The following MMP1 variants were observed in gnomAD, a reference collection of about 807,000 sequenced individuals.
MMP1 encodes matrix metallopeptidase 1.
In MMP1, 51 loss-of-function variants were observed where a neutral mutation model predicts 49.6. The ratio of observed to expected loss-of-function variants is 1.03; its 90% CI spans 0.82 to 1.30. MMP1 has a LOEUF of 1.30. Among genes scored for constraint, MMP1 ranks in the 50% most tolerant of loss-of-function variants. The pLI, the probability that MMP1 is intolerant of heterozygous loss-of-function variation, is 0.00. For synonymous variants in MMP1, 230 were observed against 196.8 expected (o/e 1.17, Z -1.41); for missense variants, 623 against 568.7 (o/e 1.10, Z -0.97).
Position 102,797,350 on chromosome 11 carries a change from C to T in MMP1, c.256G>A (p.Val86Met), listed in dbSNP as rs1464577227. 1.2e-6 allele frequency: 2 copies of T among 1,614,040 alleles called. No individual in the cohort carries two copies. The highest frequency in any genetic ancestry group is 1.7e-6 in the Non-Finnish European group (2 of 1,180,012). ...TGKPDAETLK[V>M]MKQPRCGVPD... ...ACTCCACATCTGGGCTGCTTCATCA[C>T]CTTCAGGGTTTCAGCATCTGGTTTC... The change falls in exon 2 of 10, where the codon GTG (valine) becomes ATG (methionine). Residue 86 changes from valine to methionine, a missense_variant. By Grantham distance (21) the Val-to-Met change is conservative. Transcript: ENST00000315274.
In MMP1 at chr11:102,790,712, T is replaced by G. The variant is rs746276822; in HGVS notation, c.1291A>C (p.Met431Leu). 2.5e-6 allele frequency: 4 copies of G among 1,607,704 alleles called. No individual in the cohort carries two copies. In the South Asian group the frequency reaches 3.3e-5, roughly 13 times the overall value. Reference sequence around the variant, plus strand: ...ATGTATATTCACTTACCATCTTTCATGAAAACTGCATCAACTTTGTGGCCA... The same window carrying G: ...ATGTATATTCACTTACCATCTTTCAGGAAAACTGCATCAACTTTGTGGCCA... ...GIGHKVDAVFMKDGFFYFFHG... is the reference protein window; with the variant it reads ...GIGHKVDAVFLKDGFFYFFHG... Residue 431 changes from methionine to leucine, a missense_variant, in exon 9 of 10, where the codon ATG (methionine) becomes CTG (leucine). Met to Leu is a conservative substitution (Grantham distance 15). Transcript: ENST00000315274.
chr11:102,797,142 T>C lies in MMP1; in HGVS notation c.371A>G (p.Asp124Gly). The change falls in exon 3 of 10, where the codon GAT becomes GGT. Residue 124 changes from aspartate (D) to glycine (G), a missense_variant. Physicochemically the swap from Asp to Gly is moderately conservative, Grantham distance 94. Coordinates refer to ENST00000315274, the MANE Select transcript of MMP1 (RefSeq NM_002421.4). Reference protein sequence around the residue: ...LTYRIENYTPDLPRADVDHAI... With the variant: ...LTYRIENYTPGLPRADVDHAI... ...ATGGTCCACATCTGCTCTTGGCAAA[T>C]CTGGCGTGTAATTTTCAATCCTTAG... The C allele has an allele frequency of 1.2e-6, 2 of 1,614,126 alleles. No homozygotes were observed.
intron 6 of MMP1, chr11:102,793,276 GC>G (rs1858085329): frequency 6.6e-6 from 1 of 151,960 alleles, no homozygotes. Context: ...AGGCCAACAC[GC>G]CCAGCTAATT....
intron 4 of MMP1, 46 bp downstream of exon 4, chr11:102,796,618 C>T: frequency 6.3e-7 from 1 of 1,587,894 alleles, no homozygotes; most frequent in Non-Finnish European, 8.6e-7. Flanking sequence ...TACAATGAAA[C>T]ATGAAGGGGT....
chr11:102,790,267 A>T lies in MMP1; in HGVS notation c.*145T>A, dbSNP rs1857986666. ...AGGGCTACATTCTAAATAGTAAAAAAATATGCAAACTGAGGTATAAATAAG... is the reference window on the plus strand; with the variant it reads ...AGGGCTACATTCTAAATAGTAAAAATATATGCAAACTGAGGTATAAATAAG... On this transcript the variant is annotated 3_prime_UTR_variant, in exon 10 of 10. Coordinates refer to ENST00000315274, the MANE Select transcript of MMP1 (RefSeq NM_002421.4). 1 of 528,716 alleles carries T rather than the reference A, an allele frequency of 1.9e-6. No homozygotes were observed. The highest frequency in any genetic ancestry group is 3.4e-6 in the Non-Finnish European group (1 of 298,242). The allele number at this position is 528,716 out of a possible 1,614,324, so 32.8% of individuals were successfully genotyped here.
chr11:102,797,292 C>T lies in MMP1; in HGVS notation c.314G>A (p.Gly105Glu). 1.2e-6 allele frequency: 2 copies of T among 1,614,180 alleles called. No individual in the cohort carries two copies. The highest frequency in any genetic ancestry group is 1.7e-6 in the Non-Finnish European group (2 of 1,180,038). Residue 105 changes from glycine (G) to glutamate (E), a missense_variant, in exon 2 of 10, where the codon GGG becomes GAG. Gly to Glu is a moderately conservative substitution (Grantham distance 98). Transcript: ENST00000315274. The part of the protein sequence containing the change: ...PDVAQFVLTE[G>E]NPRWEQTHLT... ...ATGTGTTTGCTCCCAGCGAGGGTTC[C>T]CCTCAGTGAGGACAAACTGAGCCAC...
intron 6 of MMP1, 137 bp from the exon 7 acceptor site, chr11:102,792,875 G>T: frequency 1.3e-6 from 1 of 783,926 alleles, no homozygotes; most frequent in Non-Finnish European, 2.0e-6. Context: ...CCAAAGAAGG[G>T]TTGGTTTATA....
In MMP1 at chr11:102,797,241, C is replaced by A. The variant is rs746470524; in HGVS notation, c.350+15G>T. Reference sequence around the variant, plus strand: ...TGGGAAATAGCTCTCTCACTCTGGCCCTCAGTCTGCCTACCTGTAGGTCAG... The same window carrying A: ...TGGGAAATAGCTCTCTCACTCTGGCACTCAGTCTGCCTACCTGTAGGTCAG... On this transcript the variant is annotated intron_variant, in intron 2 of 9. Coordinates refer to ENST00000315274, the MANE Select transcript of MMP1 (RefSeq NM_002421.4). The A allele has an allele frequency of 5.6e-6, 9 of 1,613,908 alleles. No individual in the cohort carries two copies. Among genetic ancestry groups the A allele is most frequent in the Non-Finnish European group, 7.6e-6 (9 of 1,179,936 alleles).
rs756183790 is a variant in MMP1 at position 102,790,691 on chromosome 11, A to G, written c.1300+12T>C. ...GCAATGAAATGGAGGAAATACATGT[A>G]TATTCACTTACCATCTTTCATGAAA... On this transcript the variant is annotated intron_variant, in intron 9 of 9. Transcript: ENST00000315274. 8 of 1,558,458 alleles carry G rather than the reference A, an allele frequency of 5.1e-6. No homozygotes were observed. The highest frequency in any genetic ancestry group is 4.5e-5 in the East Asian group (2 of 44,570).
In MMP1 at chr11:102,795,530, A is replaced by G; in HGVS notation, c.703T>C (p.Leu235=). The G allele has an allele frequency of 6.2e-7, 1 of 1,614,116 alleles. No homozygotes were observed. Among genetic ancestry groups the G allele is most frequent in the Non-Finnish European group, 8.5e-7 (1 of 1,180,002 alleles). Residue 235 remains leucine (L), a synonymous_variant, in exon 5 of 10, where the codon TTG becomes CTG. Transcript: ENST00000315274. ...CTGAAGGTGTAGCTAGGGTACATCA[A>G]AGCCCCGATATCAGTAGAATGGGAG... is the stretch of plus-strand genomic sequence containing the variant. ...GLSHSTDIGA[L]MYPSYTFSGD... is the part of the protein sequence containing the mutation.
chr11:102,790,580 G>T, intron 9 of MMP1, 59 bp from the exon 10 acceptor site: 1 of 1,350,124 alleles, frequency 7.4e-7, no homozygotes, highest in Non-Finnish European at 1.0e-6. Flanking sequence ...GGTTTAACTT[G>T]AATTCTTGAG....
Position 102,795,526 on chromosome 11 carries a change from A to T in MMP1, c.707T>A (p.Met236Lys), listed in dbSNP as rs746410573. ...ACCACTGAAGGTGTAGCTAGGGTACATCAAAGCCCCGATATCAGTAGAATG... is the reference window on the plus strand; with the variant it reads ...ACCACTGAAGGTGTAGCTAGGGTACTTCAAAGCCCCGATATCAGTAGAATG... ...LSHSTDIGAL[M>K]YPSYTFSGDV... The change falls in exon 5 of 10, where the codon ATG (methionine) becomes AAG (lysine). Residue 236 changes from methionine (M) to lysine (K), a missense_variant. Coordinates refer to ENST00000315274, the MANE Select transcript of MMP1 (RefSeq NM_002421.4). 19 of 1,614,138 alleles carry T rather than the reference A, an allele frequency of 1.2e-5. No individual in the cohort carries two copies. The South Asian group carries it at 1.9e-4, about 16-fold the overall frequency.
rs1565212999 is a variant in MMP1, at chr11:102,797,117, A to AT, written c.395dup (p.His132GlnfsTer4). The AT allele has an allele frequency of 6.2e-7, 1 of 1,614,240 alleles. No individual in the cohort carries two copies. Among genetic ancestry groups the AT allele is most frequent in the East Asian group, 2.2e-5 (1 of 44,892 alleles). On this transcript the variant is annotated frameshift_variant, in exon 3 of 10. Transcript: ENST00000315274. LOFTEE classifies it high-confidence loss of function. ...AGAGTTGGAAGGCTTTCTCAATGGC[A>AT]TGGTCCACATCTGCTCTTGGCAAAT...
Position 102,796,678 on chromosome 11 carries a change from G to A in MMP1, c.611C>T (p.Thr204Ile), listed in dbSNP as rs754773987. 7 of 1,613,516 alleles carry A rather than the reference G, an allele frequency of 4.3e-6. No homozygotes were observed. The Admixed American group carries it at 1.2e-4, about 27-fold the overall frequency. The change falls in exon 4 of 10, where the codon ACC becomes ATC. Residue 204 changes from threonine to isoleucine, a missense_variant. Thr to Ile is a moderately conservative substitution (Grantham distance 89). Coordinates refer to ENST00000315274, the MANE Select transcript of MMP1 (RefSeq NM_002421.4). Reference protein sequence around the residue: ...DAHFDEDERWTNNFREYNLHR... With the variant: ...DAHFDEDERWINNFREYNLHR... Reference sequence around the variant, plus strand: ...GATTGGCTTACCTCTGAAATTGTTGGTCCACCTTTCATCTTCATCAAAATG... The same window carrying A: ...GATTGGCTTACCTCTGAAATTGTTGATCCACCTTTCATCTTCATCAAAATG...
intron 7 of MMP1, among the ~76,000 whole-genome samples, 182 bp from the exon 8 acceptor site, chr11:102,791,677 C>T (rs904875494): frequency 6.6e-6 from 1 of 152,170 alleles, no homozygotes; most frequent in African/African-American, 2.4e-5. Context: ...TTAAATGTGT[C>T]TATCTTTGGA....
chr11:102,790,966 A>T (rs1340658958), intron 8 of MMP1, among the ~76,000 whole-genome samples, 160 bp from the exon 9 acceptor site: 2 of 152,202 alleles, frequency 1.3e-5, no homozygotes, highest in East Asian at 3.8e-4. Flanking sequence ...ATGTTGGGTG[A>T]ACTAAAAGGC....
Position 102,795,573 on chromosome 11 carries a change from G to A in MMP1, c.660C>T (p.Leu220=), listed in dbSNP as rs139639462. The A allele has an allele frequency of 2.7e-5, 43 of 1,613,472 alleles. No homozygotes were observed. The highest frequency in any genetic ancestry group is 6.7e-5 in the African/African-American group (5 of 74,858). Residue 220 remains leucine, a synonymous_variant, in exon 5 of 10, where the codon CTC becomes CTT. Coordinates refer to ENST00000315274, the MANE Select transcript of MMP1 (RefSeq NM_002421.4). The part of the protein sequence containing the change: ...YNLHRVAAHE[L]GHSLGLSHST... The stretch of plus-strand genomic sequence containing the variant: ...AATGGGAGAGTCCAAGAGAATGGCC[G>A]AGTTCATGAGCTGCAACACGATGTA...
Position 102,797,664 on chromosome 11 carries a change from AG to A in MMP1, c.106-165del, listed in dbSNP as rs55855609. On this transcript the variant is annotated intron_variant, in intron 1 of 9. Coordinates refer to ENST00000315274, the MANE Select transcript of MMP1 (RefSeq NM_002421.4). ...TTTTTGGTGAGAAATGAAATTTCAG[AG>A]TAGAAATGTCCCTACTATTAGTTAT... 4.9e-3 allele frequency among the ~76,000 whole-genome samples: 740 copies of A among 152,330 alleles called. 4 individuals are homozygous for A. Among genetic ancestry groups the A allele is most frequent in the Non-Finnish European group, 7.3e-3 (497 of 68,042 alleles).
chr11:102,797,072 C>T lies in MMP1; in HGVS notation c.441G>A (p.Leu147=). The T allele has an allele frequency of 6.2e-7, 1 of 1,614,154 alleles. No homozygotes were observed. Among genetic ancestry groups the T allele is most frequent in the Non-Finnish European group, 8.5e-7 (1 of 1,180,030 alleles). ...AFQLWSNVTP[L]TFTKVSEGQA... is the part of the protein sequence containing the mutation. The stretch of plus-strand genomic sequence containing the variant: ...GACCCTCAGAGACCTTGGTGAATGT[C>T]AGAGGTGTGACATTACTCCAGAGTT... The change falls in exon 3 of 10, where the codon CTG becomes CTA. Residue 147 remains leucine, a synonymous_variant. Transcript: ENST00000315274.
Sources: allele counts gnomAD v4.1 joint callset (sites outside exome capture counted in the v4.1 genomes callset), GRCh38; gene constraint gnomAD v4.1.1; transcripts MANE v1.5; gene names NCBI Gene and HGNC (gene_info 2026-07-23, HGNC 2026-07-21).